RAD51: variants seen among roughly 807,000 people sequenced by gnomAD.
RAD51 encodes the protein RAD51 recombinase, also known as DNA repair protein RAD51 homolog 1.
Under a neutral mutation model 41.5 loss-of-function variants are expected in RAD51, and 14 were observed. That is an observed-to-expected ratio of 0.34 (90% CI 0.22 to 0.53). The LOEUF (loss-of-function observed/expected upper bound fraction) is 0.53. Ranked by LOEUF, RAD51 falls within the 20% of genes least tolerant of loss-of-function variation. The probability of loss-of-function intolerance (pLI) is 0.95; values close to 1 mark genes in which losing one functional copy is unlikely to be tolerated. For missense variants in RAD51, 234 were observed against 422.0 expected, an observed-to-expected ratio of 0.55 and a Z score of 3.90; for synonymous variants, 136 against 148.6, an observed-to-expected ratio of 0.92 and a Z score of 0.62.
chr15:40,696,797 A>G (rs991186984), intron 1 of RAD51, among the ~76,000 whole-genome samples: 8 of 152,146 alleles, frequency 5.3e-5, no homozygotes, highest in African/African-American at 7.2e-5. Flanking sequence ...GATTTTAACT[A>G]TTCTGCTGGT....
chr15:40,721,927 C>T (rs773100702), intron 6 of RAD51, among the ~76,000 whole-genome samples: 6 of 152,118 alleles, frequency 3.9e-5, no homozygotes, highest in Non-Finnish European at 7.3e-5. Context: ...AACCCAATGT[C>T]CATTGACAAA....
At chr15:40,697,439 C>G (rs1373347676) in intron 1 of RAD51, among the ~76,000 whole-genome samples, 27 of 151,964 alleles carry the variant, frequency 1.8e-4, no homozygotes, top group Admixed American at 1.8e-3. Flanking sequence ...AGTTTTCAGT[C>G]TTTTCCTTTT....
intron 4 of RAD51, among the ~76,000 whole-genome samples, chr15:40,707,316 C>T (rs1360083254): frequency 7.9e-5 from 10 of 126,346 alleles, no homozygotes; most frequent in Non-Finnish European, 1.3e-4. Context: ...TTTTCTTTCC[C>T]TTTTTTTTGA....
chr15:40,722,786 G>C (rs2141866010), intron 6 of RAD51, among the ~76,000 whole-genome samples: 1 of 152,238 alleles, frequency 6.6e-6, no homozygotes, highest in Non-Finnish European at 1.5e-5. Flanking sequence ...CCTTGGGGTA[G>C]GCAAAGATTT....
intron 1 of RAD51, among the ~76,000 whole-genome samples, chr15:40,696,797 A>C (rs991186984): frequency 6.6e-6 from 1 of 152,146 alleles, no homozygotes. Context: ...GATTTTAACT[A>C]TTCTGCTGGT....
At chr15:40,707,234 C>T (rs1895406717) in intron 4 of RAD51, among the ~76,000 whole-genome samples, 1 of 146,748 alleles carries the variant, frequency 6.8e-6, no homozygotes, top group South Asian at 2.2e-4. Context: ...TGAGCTCAAG[C>T]CATCCTCCTG....
rs1474220403 is a variant in RAD51, at chr15:40,710,102, C to T, written c.435+986C>T. Reference sequence around the variant, plus strand: ...CTAAAAATACAAAAAATTAGTTGGGCGTGGTGGCGGGTGCCTGTAGTCCCA... The same window carrying T: ...CTAAAAATACAAAAAATTAGTTGGGTGTGGTGGCGGGTGCCTGTAGTCCCA... On this transcript the variant is annotated intron_variant, in intron 5 of 9. Transcript: ENST00000267868. Among the ~76,000 whole-genome samples the T allele has an allele frequency of 3.3e-5, 5 of 151,690 alleles. No homozygotes were observed. In the East Asian group the frequency reaches 5.8e-4, roughly 18 times the overall value.
At chr15:40,711,055 G>T (rs573920804) in intron 5 of RAD51, among the ~76,000 whole-genome samples, 75 of 152,202 alleles carry the variant, frequency 4.9e-4, no homozygotes, top group South Asian at 8.3e-4. Flanking sequence ...TTGTATTTAA[G>T]TAGCAAATAC....
At chr15:40,716,299 G>T (rs1596004019) in intron 5 of RAD51, among the ~76,000 whole-genome samples, 1 of 151,956 alleles carries the variant, frequency 6.6e-6, no homozygotes, top group East Asian at 1.9e-4. Context: ...AAAATGCATA[G>T]AAAATAATCT....
At chr15:40,704,269 T>G (rs562838229) in intron 3 of RAD51, among the ~76,000 whole-genome samples, 192 of 151,758 alleles carry the variant, frequency 1.3e-3, no homozygotes, top group African/African-American at 4.5e-3. Context: ...TTTCACCGTG[T>G]TAGCCAGGAT....
At chr15:40,705,666 G>A (rs543093188) in intron 3 of RAD51, among the ~76,000 whole-genome samples, 3 of 152,092 alleles carry the variant, frequency 2.0e-5, no homozygotes, top group Non-Finnish European at 4.4e-5. Context: ...GTACAGTGGC[G>A]CGATCTCGGC....
intron 2 of RAD51, among the ~76,000 whole-genome samples, chr15:40,699,631 G>T (rs936828779): frequency 6.6e-6 from 1 of 152,206 alleles, no homozygotes; most frequent in Non-Finnish European, 1.5e-5. Context: ...TGCTGTTCTG[G>T]GAATTATAGC....
At chr15:40,723,052 T>C (rs868686780) in intron 6 of RAD51, among the ~76,000 whole-genome samples, 28 of 152,296 alleles carry the variant, frequency 1.8e-4, no homozygotes, top group African/African-American at 6.7e-4. Flanking sequence ...AGGATTTGAA[T>C]AGACATCTCT....
chr15:40,722,604 C>G (rs908797737), intron 6 of RAD51, among the ~76,000 whole-genome samples: 1 of 151,990 alleles, frequency 6.6e-6, no homozygotes, highest in East Asian at 1.9e-4. Flanking sequence ...GATGGTTGCA[C>G]AGCAGCATGA....
At chr15:40,722,514 G>C (rs191403469) in intron 6 of RAD51, among the ~76,000 whole-genome samples, 263 of 151,002 alleles carry the variant, frequency 1.7e-3, no homozygotes, top group Middle Eastern at 3.4e-3. Context: ...TTTTCTGGGG[G>C]TAGGGAGACT....
rs565131272 is a variant in RAD51, at chr15:40,701,049, T to C, written c.88-15T>C. On this transcript the variant is annotated splice_polypyrimidine_tract_variant and intron_variant, in intron 2 of 9. Coordinates refer to ENST00000267868, the MANE Select transcript of RAD51 (RefSeq NM_002875.5). ...ACTAAAGCTTAAATTTATCCATGGTTTTCTTCATTTGCAGCAGTGTGGCAT... is the reference window on the plus strand; with the variant it reads ...ACTAAAGCTTAAATTTATCCATGGTCTTCTTCATTTGCAGCAGTGTGGCAT... 1 of 1,614,192 alleles carries C rather than the reference T, an allele frequency of 6.2e-7. No individual in the cohort carries two copies. The highest frequency in any genetic ancestry group is 1.3e-5 in the African/African-American group (1 of 75,052).
At chr15:40,703,375 C>T (rs988689534) in intron 3 of RAD51, among the ~76,000 whole-genome samples, 5 of 151,954 alleles carry the variant, frequency 3.3e-5, no homozygotes, top group East Asian at 1.9e-4. Context: ...TGCACCTGGC[C>T]GTGCAATGAA....
chr15:40,697,102 A>G (rs1416033014), intron 1 of RAD51, among the ~76,000 whole-genome samples: 1 of 151,772 alleles, frequency 6.6e-6, no homozygotes, highest in Non-Finnish European at 1.5e-5. Context: ...TTATTTATTT[A>G]TTTATTTTTC....
chr15:40,701,343 C>CTTCTT (rs201339709), intron 3 of RAD51, 142 bp downstream of exon 3: 21 of 802,262 alleles, frequency 2.6e-5, no homozygotes, highest in African/African-American at 3.7e-5. Flanking sequence ...TGTTTCTTTT[C>CTTCTT]TTCTTTTCTT....
Sources: gnomAD v4.1 joint callset for allele counts (sites outside exome capture counted in the v4.1 genomes callset) on GRCh38, gnomAD v4.1.1 for gene constraint, MANE v1.5 for transcripts, NCBI Gene and HGNC (gene_info 2026-07-23, HGNC 2026-07-21) for gene names.